Variants in STIM1 observed in about 807,000 individuals in gnomAD.
STIM1 encodes stromal interaction molecule 1.
STIM1 carries 25 observed loss-of-function variants against 74.7 expected under a neutral mutation model. The observed-to-expected ratio is 0.33, with a 90% CI of 0.24 to 0.47. The LOEUF is 0.47. Ranked by LOEUF, STIM1 falls within the 20% of genes least tolerant of loss-of-function variation. STIM1 has a pLI of 1.00. For synonymous variants in STIM1, 328 were observed against 348.8 expected, an observed-to-expected ratio of 0.94 and a Z score of 0.66; for missense variants, 728 against 920.8, an observed-to-expected ratio of 0.79 and a Z score of 2.71.
At chr11:3,892,779 G>C (rs1024265812) in intron 1 of STIM1, 1 of 1,613,258 alleles carries the variant, frequency 6.2e-7, no homozygotes, top group Non-Finnish European at 8.5e-7. Flanking sequence ...CTCAGAGCAC[G>C]AAAGTTTTCT....
Position 4,092,009 on chromosome 11 carries a change from C to G in STIM1, c.*211C>G, listed in dbSNP as rs1482940079. 2 of 668,560 alleles carry G rather than the reference C, an allele frequency of 3.0e-6. No homozygotes were observed. The highest frequency in any genetic ancestry group is 3.6e-5 in the African/African-American group (2 of 55,652). The allele number at this position is 668,560 out of a possible 1,614,324, so 41.4% of individuals were successfully genotyped here. ...CACCATGGCCTGCCTGCCCTGCCTC[C>G]GTCCCAACCATGGGCTGCTGCTGTC... On this transcript the variant is annotated 3_prime_UTR_variant, in exon 13 of 13. Coordinates refer to ENST00000526596, the MANE Select transcript of STIM1 (RefSeq NM_001382567.1).
intron 7 of STIM1, among the ~76,000 whole-genome samples, chr11:4,077,598 T>C (rs995086830): frequency 2.0e-5 from 3 of 152,178 alleles, no homozygotes; most frequent in Non-Finnish European, 4.4e-5. Context: ...TTAGCACTTA[T>C]ATATCTCTTA....
At chr11:3,936,801 A>G (rs187651338) in intron 1 of STIM1, among the ~76,000 whole-genome samples, 1 of 152,304 alleles carries the variant, frequency 6.6e-6, no homozygotes, top group Non-Finnish European at 1.5e-5. Flanking sequence ...TGAAGTGAAA[A>G]TGTAATCACT....
chr11:3,925,126 G>A (rs895627517), intron 1 of STIM1, among the ~76,000 whole-genome samples: 9 of 152,240 alleles, frequency 5.9e-5, no homozygotes, highest in African/African-American at 2.2e-4. Context: ...GCTGGCTGCG[G>A]TGGCTCACGC....
At chr11:3,940,130 C>T (rs2135597409) in intron 1 of STIM1, among the ~76,000 whole-genome samples, 1 of 152,278 alleles carries the variant, frequency 6.6e-6, no homozygotes, top group Non-Finnish European at 1.5e-5. Flanking sequence ...GGTTAAAGCA[C>T]AGCTATTTAG....
intron 1 of STIM1, among the ~76,000 whole-genome samples, chr11:3,875,194 C>T (rs1255025853): frequency 6.6e-6 from 1 of 152,134 alleles, no homozygotes; most frequent in Non-Finnish European, 1.5e-5. Flanking sequence ...TGCCAAGATA[C>T]TAACCTTGCA....
At chr11:4,074,423 C>T in intron 6 of STIM1, 79 bp from the exon 7 acceptor site, 1 of 1,552,952 alleles carries the variant, frequency 6.4e-7, no homozygotes, top group Non-Finnish European at 8.8e-7. Context: ...TCATTTTCCT[C>T]TTTGATGCCA....
rs1431947360 is a variant in STIM1, at chr11:3,989,509, C to G, written c.270+21827C>G. ...TGCGGGATGTCTGTGAGCCGCGGCG[C>G]ACCGAGAGCCTTCGCGAAGCTGGGC... On this transcript the variant is annotated intron_variant, in intron 2 of 12. Transcript: ENST00000526596. 4.9e-6 allele frequency: 3 copies of G among 606,326 alleles called. No individual in the cohort carries two copies. The East Asian group carries it at 1.0e-4, about 20-fold the overall frequency. The allele number at this position is 606,326 out of a possible 1,614,324, so 37.6% of individuals were successfully genotyped here.
At chr11:4,029,023 T>A in intron 3 of STIM1, among the ~76,000 whole-genome samples, 1 of 151,646 alleles carries the variant, frequency 6.6e-6, no homozygotes, top group East Asian at 2.0e-4. Context: ...CCATCTCTAC[T>A]AAAAATACAA....
chr11:3,895,753 TTC>T (rs1565105475), intron 1 of STIM1, among the ~76,000 whole-genome samples: 1,287 of 58,074 alleles, frequency 0.022, 124 homozygotes, highest in Middle Eastern at 0.026. Context: ...TCTTCCTTCC[TTC>T]CTTCCTTCCT....
chr11:3,954,346 A>T (rs574720421), intron 1 of STIM1, among the ~76,000 whole-genome samples: 20 of 152,202 alleles, frequency 1.3e-4, no homozygotes, highest in Admixed American at 4.6e-4. Context: ...TTTTCTGTGC[A>T]TTTGTTTGTT....
intron 1 of STIM1, among the ~76,000 whole-genome samples, chr11:3,886,470 C>T (rs1052597729): frequency 6.6e-6 from 1 of 151,986 alleles, no homozygotes; most frequent in Non-Finnish European, 1.5e-5. Context: ...AGGCAGATCA[C>T]GAGGTCAGGA....
At position 3,980,520 on chromosome 11, in the gene STIM1, A is replaced by G. The variant is rs118065176; in HGVS notation, c.270+12838A>G. 6.2e-3 allele frequency among the ~76,000 whole-genome samples: 940 copies of G among 151,602 alleles called. 10 individuals carry two copies. Among genetic ancestry groups the G allele is most frequent in the Non-Finnish European group, 0.01 (701 of 67,902 alleles). ...AAGCCAGGTTTGGTGGTTCATGCCT[A>G]TAATCTCAGCTACTTGGTTGAGACA... is the stretch of plus-strand genomic sequence containing the variant. On this transcript the variant is annotated intron_variant, in intron 2 of 12. Transcript: ENST00000526596.
At chr11:3,991,730 C>G (rs1167701723) in intron 2 of STIM1, among the ~76,000 whole-genome samples, 1 of 150,974 alleles carries the variant, frequency 6.6e-6, no homozygotes, top group Non-Finnish European at 1.5e-5. Flanking sequence ...GGGTGGATCA[C>G]CTGAGGTCGG....
chr11:3,908,300 C>T (rs552746281), intron 1 of STIM1, among the ~76,000 whole-genome samples: 17 of 152,108 alleles, frequency 1.1e-4, no homozygotes, highest in Admixed American at 2.0e-4. Context: ...TACTATTATT[C>T]CCATTTTATG....
chr11:3,861,977 A>T (rs1042300858), intron 1 of STIM1, among the ~76,000 whole-genome samples: 4 of 152,098 alleles, frequency 2.6e-5, no homozygotes, highest in Non-Finnish European at 4.4e-5. Flanking sequence ...ATGCTGTGGT[A>T]CATTTCCCTT....
chr11:4,065,799 G>A (rs990243408), intron 5 of STIM1, among the ~76,000 whole-genome samples: 3 of 152,144 alleles, frequency 2.0e-5, no homozygotes, highest in Admixed American at 1.3e-4. Flanking sequence ...GCTCTTACAC[G>A]TTAAACAGAC....
chr11:4,083,798 AT>A (rs1478624914), intron 10 of STIM1: 1 of 352,298 alleles, frequency 2.8e-6, no homozygotes, highest in African/African-American at 2.0e-5. Flanking sequence ...TTTATAAAAA[AT>A]ATGTCCTTTA....
At chr11:4,024,074 A>G (rs1187552972) in intron 3 of STIM1, 87 bp downstream of exon 3, 4 of 1,103,110 alleles carry the variant, frequency 3.6e-6, no homozygotes, top group African/African-American at 1.5e-5. Context: ...GAACATGTAT[A>G]TAAAATGCTT....
Sources: gnomAD v4.1 joint callset for allele counts (sites outside exome capture counted in the v4.1 genomes callset) on GRCh38, gnomAD v4.1.1 for gene constraint, MANE v1.5 for transcripts, NCBI Gene and HGNC (gene_info 2026-07-23, HGNC 2026-07-21) for gene names.